The following ASXL3 variants were observed in gnomAD, a reference collection of about 807,000 sequenced individuals.
ASXL3 encodes the protein putative Polycomb group protein ASXL3.
ASXL3 carries 34 observed loss-of-function variants against 170.6 expected under a neutral mutation model. The ratio of observed to expected loss-of-function variants is 0.20; its 90% CI spans 0.15 to 0.27. ASXL3 has a LOEUF of 0.27. Among genes scored for constraint, ASXL3 ranks in the 10% least tolerant of loss-of-function variants. The pLI is 1.00. For missense variants in ASXL3, 2,592 were observed against 2,695.3 expected (o/e 0.96, Z 0.85); for synonymous variants, 1,002 against 989.1 (o/e 1.01, Z -0.24).
chr18:33,598,598 TTATC>T (rs755807588), intron 1 of ASXL3, among the ~76,000 whole-genome samples: 6 of 152,216 alleles, frequency 3.9e-5, no homozygotes, highest in Non-Finnish European at 7.3e-5. Context: ...CACAGCAACT[TTATC>T]ATCGGGCATG....
intron 8 of ASXL3, among the ~76,000 whole-genome samples, chr18:33,688,115 C>T (rs562398720): frequency 2.0e-5 from 3 of 152,230 alleles, no homozygotes; most frequent in Admixed American, 6.5e-5. Flanking sequence ...CTAATAGTAC[C>T]GTTTAGATCA....
Position 33,745,842 on chromosome 18 carries a change from A to G in ASXL3, c.5994A>G (p.Glu1998=). 1 of 1,613,978 alleles carries G rather than the reference A, an allele frequency of 6.2e-7. No individual in the cohort carries two copies. Among genetic ancestry groups the G allele is most frequent in the South Asian group, 1.1e-5 (1 of 91,076 alleles). The change falls in exon 12 of 12, where the codon GAA becomes GAG. Residue 1998 remains glutamate (E), a synonymous_variant. Transcript: ENST00000269197. ...NMLSPNMPMK[E]GDEVGGTAHT... is the part of the protein sequence containing the mutation. The stretch of plus-strand genomic sequence containing the variant: ...TATCCCCCAATATGCCCATGAAAGA[A>G]GGTGATGAGGTGGGAGGCACTGCAC...
chr18:33,578,744 CG>C, intron 1 of ASXL3, 59 bp downstream of exon 1: 1 of 1,061,544 alleles, frequency 9.4e-7, no homozygotes. Context: ...GCTCGCCCCG[CG>C]CCGGTCCGCG....
At chr18:33,677,866 G>A (rs1349478329) in intron 7 of ASXL3, among the ~76,000 whole-genome samples, 2 of 151,940 alleles carry the variant, frequency 1.3e-5, no homozygotes, top group Non-Finnish European at 2.9e-5. Context: ...TTTGAAAGCC[G>A]ATTTTTCTTC....
intron 2 of ASXL3, among the ~76,000 whole-genome samples, 181 bp from the exon 3 acceptor site, chr18:33,644,713 C>G (rs900068011): frequency 6.6e-6 from 1 of 151,596 alleles, no homozygotes; most frequent in African/African-American, 2.4e-5. Context: ...CTGGACTAGC[C>G]CTTTATTGTA....
At chr18:33,652,540 G>A (rs2145213546) in intron 4 of ASXL3, among the ~76,000 whole-genome samples, 1 of 148,344 alleles carries the variant, frequency 6.7e-6, no homozygotes, top group Admixed American at 6.8e-5. Context: ...TAACCCTAAT[G>A]GCTTTCAGGG....
chr18:33,600,715 CT>C (rs1220491561), intron 1 of ASXL3, among the ~76,000 whole-genome samples: 3 of 152,122 alleles, frequency 2.0e-5, no homozygotes, highest in Non-Finnish European at 2.9e-5. Flanking sequence ...TTAGGATTCA[CT>C]TCTCAATTGC....
rs1454923378 is a variant in ASXL3 at position 33,732,027 on chromosome 18, A to G, written c.939A>G (p.Ala313=). The G allele has an allele frequency of 6.2e-7, 1 of 1,613,286 alleles. No individual in the cohort carries two copies. The highest frequency in any genetic ancestry group is 1.7e-5 in the Admixed American group (1 of 59,824). The part of the protein sequence containing the change: ...STSALNNEFF[A]YAAQGWKQRL... The stretch of plus-strand genomic sequence containing the variant: ...CAGCTCTAAATAATGAATTCTTTGC[A>G]TATGCAGCACAAGGGTGGAAACAGC... The change falls in exon 9 of 12, where the codon GCA becomes GCG. Residue 313 remains alanine (A), a synonymous_variant. Coordinates refer to ENST00000269197, the MANE Select transcript of ASXL3 (RefSeq NM_030632.3).
At chr18:33,634,005 A>T (rs1358401781) in intron 2 of ASXL3, among the ~76,000 whole-genome samples, 4 of 152,168 alleles carry the variant, frequency 2.6e-5, no homozygotes, top group African/African-American at 9.7e-5. Flanking sequence ...CATATATATG[A>T]ATGTAAATAC....
chr18:33,623,625 G>A (rs2065552538), intron 2 of ASXL3, among the ~76,000 whole-genome samples: 1 of 152,122 alleles, frequency 6.6e-6, no homozygotes, highest in African/African-American at 2.4e-5. Flanking sequence ...AATCAAGATA[G>A]AATGAAATCC....
At chr18:33,671,603 A>G (rs1388815490) in intron 6 of ASXL3, 144 bp from the exon 7 acceptor site, 6 of 624,820 alleles carry the variant, frequency 9.6e-6, no homozygotes, top group Non-Finnish European at 1.5e-5. Flanking sequence ...TTTTATATCC[A>G]GTAGGGGAAT....
At chr18:33,685,402 C>A (rs2066578043) in intron 8 of ASXL3, among the ~76,000 whole-genome samples, 1 of 152,170 alleles carries the variant, frequency 6.6e-6, no homozygotes, top group South Asian at 2.1e-4. Flanking sequence ...ACTGATGATT[C>A]TTCCGTTATA....
At chr18:33,642,175 A>G (rs1247425211) in intron 2 of ASXL3, among the ~76,000 whole-genome samples, 1 of 151,954 alleles carries the variant, frequency 6.6e-6, no homozygotes, top group Admixed American at 6.6e-5. Flanking sequence ...ATTACATAAG[A>G]CTTATATTTA....
At chr18:33,648,791 C>T (rs779263857) in intron 4 of ASXL3, among the ~76,000 whole-genome samples, 14 of 151,946 alleles carry the variant, frequency 9.2e-5, no homozygotes, top group Non-Finnish European at 1.6e-4. Flanking sequence ...TAAATGGACA[C>T]GGTAAGATTT....
intron 2 of ASXL3, among the ~76,000 whole-genome samples, chr18:33,639,476 A>G (rs1024689081): frequency 6.6e-6 from 1 of 152,134 alleles, no homozygotes; most frequent in Non-Finnish European, 1.5e-5. Flanking sequence ...TATGTGTGGC[A>G]TGTTCTTTAC....
intron 2 of ASXL3, among the ~76,000 whole-genome samples, chr18:33,630,365 G>C (rs2065659632): frequency 6.7e-6 from 1 of 150,364 alleles, no homozygotes; most frequent in Admixed American, 6.6e-5. Flanking sequence ...AAAACTTTCA[G>C]TTTACTACAG....
In ASXL3 at chr18:33,698,836, T is replaced by C. The variant is rs1270337718; in HGVS notation, c.879+15268T>C. On this transcript the variant is annotated intron_variant, in intron 8 of 11. Transcript: ENST00000269197. ...AGGAACACTGTCTCTGGGGAAAATA[T>C]GTGTTAAGTAGTTACTTCATTTCAC... 3.3e-5 allele frequency among the ~76,000 whole-genome samples: 5 copies of C among 152,258 alleles called. No homozygotes were observed. The East Asian group carries it at 7.7e-4, about 24-fold the overall frequency.
At chr18:33,640,625 AAC>A (rs982423264) in intron 2 of ASXL3, among the ~76,000 whole-genome samples, 1 of 152,148 alleles carries the variant, frequency 6.6e-6, no homozygotes, top group African/African-American at 2.4e-5. Flanking sequence ...TCACAAAGTG[AAC>A]ACAGATACTG....
At chr18:33,667,281 A>AAAGAGG (rs1491309432) in intron 5 of ASXL3, among the ~76,000 whole-genome samples, 2 of 152,164 alleles carry the variant, frequency 1.3e-5, no homozygotes, top group African/African-American at 4.8e-5. Context: ...AGAAAAAAAG[A>AAAGAGG]AAGAGGAAAC....
Sources: gnomAD v4.1 joint callset for allele counts (sites outside exome capture counted in the v4.1 genomes callset) on GRCh38, gnomAD v4.1.1 for gene constraint, MANE v1.5 for transcripts, NCBI Gene and HGNC (gene_info 2026-07-23, HGNC 2026-07-21) for gene names.